SPRED1: variants seen among roughly 807,000 people sequenced by gnomAD.
SPRED1 encodes the protein sprouty-related, EVH1 domain-containing protein 1.
Under a neutral mutation model 52.3 loss-of-function variants are expected in SPRED1, and 18 were observed. The observed-to-expected ratio is 0.34, with a 90% CI of 0.24 to 0.51. The LOEUF is 0.51. Ranked by LOEUF, SPRED1 falls within the 20% of genes least tolerant of loss-of-function variation. SPRED1 has a pLI of 0.97. For synonymous variants in SPRED1, 155 were observed against 179.7 expected, an observed-to-expected ratio of 0.86 and a Z score of 1.10; for missense variants, 485 against 551.0, an observed-to-expected ratio of 0.88 and a Z score of 1.20.
At chr15:38,268,555 A>C in intron 1 of SPRED1, among the ~76,000 whole-genome samples, 1 of 152,208 alleles carries the variant, frequency 6.6e-6, no homozygotes, top group East Asian at 1.9e-4. Context: ...CAAATTCACA[A>C]GGATGTTGAG....
At chr15:38,281,602 T>C (rs2140964938) in intron 1 of SPRED1, among the ~76,000 whole-genome samples, 1 of 142,304 alleles carries the variant, frequency 7.0e-6, no homozygotes, top group African/African-American at 2.6e-5. Flanking sequence ...AGGGTCTTGC[T>C]ATGCTTCTCA....
At chr15:38,273,466 T>A (rs1894480958) in intron 1 of SPRED1, among the ~76,000 whole-genome samples, 1 of 150,282 alleles carries the variant, frequency 6.7e-6, no homozygotes, top group African/African-American at 2.4e-5. Context: ...CAAATGAATA[T>A]CATGAACTAA....
intron 1 of SPRED1, among the ~76,000 whole-genome samples, chr15:38,275,805 G>A (rs2056508): frequency 0.83 from 125,624 of 152,182 alleles, 52,609 homozygotes; most frequent in Non-Finnish European, 0.9. Flanking sequence ...CGCTGGTGGT[G>A]TTATTAACCC....
At chr15:38,258,179 T>C (rs941955419) in intron 1 of SPRED1, among the ~76,000 whole-genome samples, 3 of 152,248 alleles carry the variant, frequency 2.0e-5, no homozygotes, top group Admixed American at 1.3e-4. Context: ...ACCTTTCTTA[T>C]GATGTTGGTG....
chr15:38,269,578 A>T (rs1381815621), intron 1 of SPRED1, among the ~76,000 whole-genome samples: 1 of 152,022 alleles, frequency 6.6e-6, no homozygotes, highest in Non-Finnish European at 1.5e-5. Flanking sequence ...ATTGTCTCTC[A>T]CTGTTTTTTC....
At chr15:38,295,928 G>A (rs929863786) in intron 1 of SPRED1, among the ~76,000 whole-genome samples, 1 of 151,868 alleles carries the variant, frequency 6.6e-6, no homozygotes, top group African/African-American at 2.4e-5. Flanking sequence ...CCTTCTTGGT[G>A]GAGAGAAAAG....
At chr15:38,305,379 G>T (rs549959316) in intron 2 of SPRED1, among the ~76,000 whole-genome samples, 56 of 143,662 alleles carry the variant, frequency 3.9e-4, no homozygotes, top group African/African-American at 1.4e-3. Flanking sequence ...CGTTTTAAAG[G>T]TGGGTTGTTC....
rs373538515 is a variant in SPRED1, at chr15:38,296,335, T to A, written c.33-3038T>A. 1.4e-4 allele frequency among the ~76,000 whole-genome samples: 21 copies of A among 152,316 alleles called. No homozygotes were observed. In the East Asian group the frequency reaches 1.5e-3, roughly 11 times the overall value. On this transcript the variant is annotated intron_variant, in intron 1 of 6. Transcript: ENST00000299084. ...ATTTCTGCAACTATTAATTTGATTG[T>A]TAATCAAATTACAAATTTTGCCAAT...
intron 1 of SPRED1, among the ~76,000 whole-genome samples, chr15:38,294,272 A>T (rs375390795): frequency 6.6e-6 from 1 of 152,206 alleles, no homozygotes; most frequent in Admixed American, 6.5e-5. Flanking sequence ...ATATGCCTCA[A>T]TGGATAAATA....
intron 1 of SPRED1, among the ~76,000 whole-genome samples, chr15:38,265,203 T>C (rs933126200): frequency 2.2e-4 from 33 of 152,296 alleles, no homozygotes; most frequent in African/African-American, 7.7e-4. Flanking sequence ...AACCTGTCTT[T>C]GTCCTTGCCT....
chr15:38,259,999 G>A (rs533271757), intron 1 of SPRED1, among the ~76,000 whole-genome samples: 3 of 152,172 alleles, frequency 2.0e-5, no homozygotes, highest in African/African-American at 4.8e-5. Context: ...GAAGGAAAAT[G>A]TGACGTTCTT....
At chr15:38,329,646 T>TA (rs1260295619) in intron 4 of SPRED1, among the ~76,000 whole-genome samples, 2 of 152,308 alleles carry the variant, frequency 1.3e-5, no homozygotes, top group East Asian at 3.9e-4. Context: ...TAATGTTATT[T>TA]AAAATTTTAT....
At chr15:38,266,144 A>C (rs1233933459) in intron 1 of SPRED1, among the ~76,000 whole-genome samples, 1 of 152,232 alleles carries the variant, frequency 6.6e-6, no homozygotes, top group Non-Finnish European at 1.5e-5. Context: ...TAATTCAAAA[A>C]TAATTGCCTT....
intron 1 of SPRED1, among the ~76,000 whole-genome samples, chr15:38,256,206 T>A (rs1277833662): frequency 1.3e-5 from 2 of 152,108 alleles, no homozygotes; most frequent in African/African-American, 4.8e-5. Context: ...TCAAAAATAG[T>A]AAACATACTC....
chr15:38,264,443 A>G (rs1894263177), intron 1 of SPRED1, among the ~76,000 whole-genome samples: 1 of 152,260 alleles, frequency 6.6e-6, no homozygotes, highest in African/African-American at 2.4e-5. Context: ...TAAGTGGGAA[A>G]AATGGAAAGA....
chr15:38,263,708 T>C (rs1287417027), intron 1 of SPRED1, among the ~76,000 whole-genome samples: 4 of 152,204 alleles, frequency 2.6e-5, no homozygotes. Flanking sequence ...CAGGTTTTGC[T>C]ATAGGTTGAG....
chr15:38,333,096 G>A (rs1356508562), intron 4 of SPRED1, among the ~76,000 whole-genome samples: 1 of 152,104 alleles, frequency 6.6e-6, no homozygotes, highest in Non-Finnish European at 1.5e-5. Context: ...TGAATTTTGT[G>A]GGGGACACAA....
At chr15:38,266,472 T>A (rs980047326) in intron 1 of SPRED1, among the ~76,000 whole-genome samples, 2 of 152,010 alleles carry the variant, frequency 1.3e-5, no homozygotes, top group Non-Finnish European at 2.9e-5. Flanking sequence ...AAACCCTTTC[T>A]CTACTAAAAA....
chr15:38,302,739 CT>C (rs1895172049), intron 2 of SPRED1, among the ~76,000 whole-genome samples: 1 of 152,072 alleles, frequency 6.6e-6, no homozygotes, highest in South Asian at 2.1e-4. Flanking sequence ...GGCTTTCATG[CT>C]TTATGGATGA....
Sources: gnomAD v4.1 joint callset for allele counts (sites outside exome capture counted in the v4.1 genomes callset) on GRCh38, gnomAD v4.1.1 for gene constraint, MANE v1.5 for transcripts, NCBI Gene and HGNC (gene_info 2026-07-23, HGNC 2026-07-21) for gene names.